The following FANCC variants were observed in gnomAD, a reference collection of about 807,000 sequenced individuals.
The protein encoded by FANCC is FA complementation group C.
Under a neutral mutation model 71.3 loss-of-function variants are expected in FANCC, and 55 were observed. That is an observed-to-expected ratio of 0.77 (90% CI 0.62 to 0.97). FANCC has a LOEUF of 0.97. FANCC is among the 50% of genes least tolerant of loss of function. The probability of loss-of-function intolerance (pLI) is 0.00; values close to 1 mark genes in which losing one functional copy is unlikely to be tolerated. For missense variants in FANCC, 678 were observed against 670.9 expected (o/e 1.01, Z -0.12); for synonymous variants, 275 against 244.9 (o/e 1.12, Z -1.15).
intron 4 of FANCC, among the ~76,000 whole-genome samples, chr9:95,223,444 T>G (rs1829409729): frequency 6.6e-6 from 1 of 152,226 alleles, no homozygotes; most frequent in Admixed American, 6.5e-5. Flanking sequence ...GTCATGTTGA[T>G]TAGGGTCCAC....
At chr9:95,213,994 G>A (rs1318248829) in intron 4 of FANCC, among the ~76,000 whole-genome samples, 1 of 152,040 alleles carries the variant, frequency 6.6e-6, no homozygotes, top group Non-Finnish European at 1.5e-5. Context: ...GACTGAACAG[G>A]CATTTCTCCA....
At chr9:95,256,255 T>C (rs1009665344) in intron 1 of FANCC, among the ~76,000 whole-genome samples, 2 of 151,844 alleles carry the variant, frequency 1.3e-5, no homozygotes, top group Non-Finnish European at 2.9e-5. Flanking sequence ...TTCACCAAAG[T>C]TGAAATGAAG....
At chr9:95,208,905 T>G (rs1024030540) in intron 4 of FANCC, among the ~76,000 whole-genome samples, 1 of 152,136 alleles carries the variant, frequency 6.6e-6, no homozygotes, top group East Asian at 1.9e-4. Context: ...CCCAAAAGAG[T>G]TGAAAACTTG....
intron 1 of FANCC, among the ~76,000 whole-genome samples, chr9:95,253,590 T>G (rs1433025801): frequency 6.6e-6 from 1 of 152,200 alleles, no homozygotes; most frequent in Non-Finnish European, 1.5e-5. Flanking sequence ...CTTCCTGTAT[T>G]AGTGGTATGG....
At chr9:95,279,141 C>A (rs538494010) in intron 1 of FANCC, among the ~76,000 whole-genome samples, 1 of 151,820 alleles carries the variant, frequency 6.6e-6, no homozygotes, top group East Asian at 1.9e-4. Context: ...CATGGTGAAA[C>A]CCCCCGTCTC....
chr9:95,187,009 T>C lies in FANCC; in HGVS notation c.346-14862A>G, dbSNP rs148193392. 1.1e-4 allele frequency among the ~76,000 whole-genome samples: 17 copies of C among 152,246 alleles called. No homozygotes were observed. The East Asian group carries it at 3.3e-3, about 29-fold the overall frequency. ...GTTTCACCACATGGTCTCAAACTCC[T>C]TACCTCAGGTGCCTTGACCTCCCAA... On this transcript the variant is annotated intron_variant, in intron 4 of 14. Coordinates refer to ENST00000289081, the MANE Select transcript of FANCC (RefSeq NM_000136.3).
Position 95,188,042 on chromosome 9 carries a change from G to A in FANCC, c.346-15895C>T, listed in dbSNP as rs140198475. On this transcript the variant is annotated intron_variant, in intron 4 of 14. Transcript: ENST00000289081. ...GCTAGAGATCTGGCTCATAGTAGGT[G>A]CGAAATAAATGTTAGTTTCCATGGT... Among the ~76,000 whole-genome samples, 6 of 152,344 alleles carry A rather than the reference G, an allele frequency of 3.9e-5. No homozygotes were observed. The East Asian group carries it at 1.2e-3, about 29-fold the overall frequency.
At chr9:95,112,523 C>G (rs4647533) in intron 12 of FANCC, among the ~76,000 whole-genome samples, 369 of 152,330 alleles carry the variant, frequency 2.4e-3, no homozygotes, top group African/African-American at 8.6e-3. Context: ...AGACATGTCC[C>G]TCTTTCCCAG....
At position 95,317,653 on chromosome 9, in the gene FANCC, C is replaced by T. The variant is rs1047237910; in HGVS notation, c.-206G>A. 8 of 152,192 alleles carry T rather than the reference C, an allele frequency of 5.3e-5. No homozygotes were observed. Among genetic ancestry groups the T allele is most frequent in the African/African-American group, 1.9e-4 (8 of 41,448 alleles). The allele number at this position is 152,192 out of a possible 1,614,324, so 9.4% of individuals were successfully genotyped here. On this transcript the variant is annotated 5_prime_UTR_variant, in exon 1 of 15. Coordinates refer to ENST00000289081, the MANE Select transcript of FANCC (RefSeq NM_000136.3). ...GCTTTTTGAGTTTTTTTGGAATTTTCCCGCGGTCGCCCGGCAGTGGAGCCG... is the reference window on the plus strand; with the variant it reads ...GCTTTTTGAGTTTTTTTGGAATTTTTCCGCGGTCGCCCGGCAGTGGAGCCG...
chr9:95,126,582 C>G lies in FANCC; in HGVS notation c.844-1G>C, dbSNP rs774209201. 15 of 1,613,896 alleles carry G rather than the reference C, an allele frequency of 9.3e-6. No individual in the cohort carries two copies. The highest frequency in any genetic ancestry group is 1.3e-5 in the Non-Finnish European group (15 of 1,179,920). On this transcript the variant is annotated splice_acceptor_variant, in intron 8 of 14. Coordinates refer to ENST00000289081, the MANE Select transcript of FANCC (RefSeq NM_000136.3). LOFTEE classifies it high-confidence loss of function. Reference sequence around the variant, plus strand: ...TGGCAGGGTGGCAGGCTGCTTGAGGCTGTAAAAGGAGAAGACCATGAGAAT... The same window carrying G: ...TGGCAGGGTGGCAGGCTGCTTGAGGGTGTAAAAGGAGAAGACCATGAGAAT...
At chr9:95,136,763 C>T (rs1270019346) in intron 7 of FANCC, among the ~76,000 whole-genome samples, 4 of 152,188 alleles carry the variant, frequency 2.6e-5, no homozygotes, top group Non-Finnish European at 5.9e-5. Context: ...GGAATACAGG[C>T]CTGAGCCCCA....
At chr9:95,156,363 C>T (rs948487437) in intron 6 of FANCC, among the ~76,000 whole-genome samples, 2 of 152,184 alleles carry the variant, frequency 1.3e-5, no homozygotes, top group Middle Eastern at 3.2e-3. Context: ...TAGCAGAGTG[C>T]TCCCTGTAAA....
intron 14 of FANCC, among the ~76,000 whole-genome samples, chr9:95,104,023 A>T (rs191314886): frequency 6.6e-6 from 1 of 151,994 alleles, no homozygotes; most frequent in Non-Finnish European, 1.5e-5. Context: ...GGGTGGAGAG[A>T]CCCAAGCTGT....
intron 6 of FANCC, among the ~76,000 whole-genome samples, chr9:95,160,604 T>C (rs1226409891): frequency 6.6e-6 from 1 of 152,204 alleles, no homozygotes; most frequent in South Asian, 2.1e-4. Context: ...ATTGAATCTA[T>C]AAATTACCTT....
At chr9:95,128,660 C>T (rs964985265) in intron 8 of FANCC, among the ~76,000 whole-genome samples, 2 of 152,194 alleles carry the variant, frequency 1.3e-5, no homozygotes, top group Non-Finnish European at 2.9e-5. Context: ...CTCTTCTGTG[C>T]GCTGTTTTCT....
chr9:95,122,376 G>A (rs532425745), intron 10 of FANCC, among the ~76,000 whole-genome samples: 2 of 152,102 alleles, frequency 1.3e-5, no homozygotes, highest in African/African-American at 2.4e-5. Context: ...AAGGCAGAGG[G>A]TCAAAAGATG....
At chr9:95,186,193 T>C (rs960989988) in intron 4 of FANCC, among the ~76,000 whole-genome samples, 1 of 152,182 alleles carries the variant, frequency 6.6e-6, no homozygotes, top group East Asian at 1.9e-4. Flanking sequence ...AAGGCTGGTG[T>C]TGATAAACTA....
chr9:95,180,496 T>C (rs1319952660), intron 4 of FANCC, among the ~76,000 whole-genome samples: 1 of 151,962 alleles, frequency 6.6e-6, no homozygotes, highest in Non-Finnish European at 1.5e-5. Context: ...CTGAGGCTTA[T>C]TTTTTAAATT....
chr9:95,182,908 A>G (rs1220412832), intron 4 of FANCC, among the ~76,000 whole-genome samples: 1 of 152,000 alleles, frequency 6.6e-6, no homozygotes, highest in Non-Finnish European at 1.5e-5. Context: ...CTGGGGAAGG[A>G]GTAGAGAAAA....
Sources: gnomAD v4.1 joint callset for allele counts (sites outside exome capture counted in the v4.1 genomes callset) on GRCh38, gnomAD v4.1.1 for gene constraint, MANE v1.5 for transcripts, NCBI Gene and HGNC (gene_info 2026-07-23, HGNC 2026-07-21) for gene names.